SDK1: variants seen among roughly 807,000 people sequenced by gnomAD.
SDK1 encodes the protein sidekick cell adhesion molecule 1.
SDK1 carries 157 observed loss-of-function variants against 245.5 expected under a neutral mutation model. That is an observed-to-expected ratio of 0.64 (90% CI 0.56 to 0.73). The LOEUF (loss-of-function observed/expected upper bound fraction) is 0.73, where lower values mean the gene tolerates loss of function less well. SDK1 is among the 30% of genes least tolerant of loss of function. The pLI is 0.00. For synonymous variants in SDK1, 1,647 were observed against 1,278.5 expected (o/e 1.29, Z -6.15); for missense variants, 3,583 against 3,002.3 (o/e 1.19, Z -4.52).
intron 2 of SDK1, among the ~76,000 whole-genome samples, chr7:3,637,138 C>T (rs915680052): frequency 1.3e-5 from 2 of 152,008 alleles, no homozygotes; most frequent in Non-Finnish European, 2.9e-5. Context: ...TGCTCTGTCA[C>T]CCAGGCTGGA....
chr7:3,453,749 T>G (rs1008753422), intron 1 of SDK1, among the ~76,000 whole-genome samples: 1 of 152,280 alleles, frequency 6.6e-6, no homozygotes, highest in East Asian at 1.9e-4. Context: ...GGCTAATTTT[T>G]TTTTTACTTT....
Position 4,145,931 on chromosome 7 carries a change from G to C in SDK1, c.4423+15G>C, listed in dbSNP as rs768361973. The C allele has an allele frequency of 1.1e-4, 167 of 1,585,680 alleles. 1 individual carries two copies. The highest frequency in any genetic ancestry group is 3.4e-4 in the Middle Eastern group (2 of 5,866). ...CGAGAAGAGAGGTAAGACCTTGGGG[G>C]ACCCGGGGGTACTGCAGATGTTGTG... On this transcript the variant is annotated intron_variant, in intron 29 of 44. Coordinates refer to ENST00000404826, the MANE Select transcript of SDK1 (RefSeq NM_152744.4).
intron 5 of SDK1, among the ~76,000 whole-genome samples, chr7:3,921,436 C>A (rs1355657133): frequency 2.6e-5 from 4 of 152,194 alleles, no homozygotes; most frequent in African/African-American, 9.6e-5. Context: ...CTTGTAGCTA[C>A]ATATATGCAA....
chr7:3,343,623 C>G (rs1440749051), intron 1 of SDK1, among the ~76,000 whole-genome samples: 1 of 152,106 alleles, frequency 6.6e-6, no homozygotes, highest in Non-Finnish European at 1.5e-5. Context: ...ACTAGCTGTT[C>G]AAAGTGTCAT....
At chr7:3,470,576 T>A (rs1247468579) in intron 1 of SDK1, among the ~76,000 whole-genome samples, 2 of 151,978 alleles carry the variant, frequency 1.3e-5, no homozygotes, top group African/African-American at 4.8e-5. Context: ...GGGAGAGAGG[T>A]TAAACTAGGT....
chr7:3,318,654 C>T (rs1339692050), intron 1 of SDK1, among the ~76,000 whole-genome samples: 2 of 152,156 alleles, frequency 1.3e-5, no homozygotes, highest in Non-Finnish European at 2.9e-5. Context: ...TACTTACCTC[C>T]TGAACTTATC....
intron 4 of SDK1, among the ~76,000 whole-genome samples, chr7:3,712,374 G>C (rs1785074230): frequency 6.6e-6 from 1 of 152,176 alleles, no homozygotes; most frequent in Non-Finnish European, 1.5e-5. Flanking sequence ...AGATGGGACT[G>C]TCTAGTTGTA....
intron 1 of SDK1, among the ~76,000 whole-genome samples, chr7:3,577,009 C>T (rs554974052): frequency 6.6e-5 from 10 of 152,066 alleles, no homozygotes; most frequent in African/African-American, 1.7e-4. Context: ...CATTTTTCAT[C>T]GATGCCCTTG....
chr7:4,084,675 C>CGTTATGTTAT (rs60696477), intron 22 of SDK1, among the ~76,000 whole-genome samples: 7,909 of 119,648 alleles, frequency 0.066, 248 homozygotes, highest in Non-Finnish European at 0.071. Context: ...TGTTATGTTA[C>CGTTATGTTAT]GTTATGTTAT....
chr7:3,337,175 T>A (rs1780223382), intron 1 of SDK1, among the ~76,000 whole-genome samples: 1 of 152,160 alleles, frequency 6.6e-6, no homozygotes, highest in Non-Finnish European at 1.5e-5. Flanking sequence ...CAAATTCTTT[T>A]GAAACAAAAC....
At chr7:4,016,534 C>T (rs992135837) in intron 16 of SDK1, among the ~76,000 whole-genome samples, 1 of 152,214 alleles carries the variant, frequency 6.6e-6, no homozygotes, top group African/African-American at 2.4e-5. Context: ...GAGTTGTGTA[C>T]ATTATCTTTT....
In SDK1 at chr7:4,110,664, T is replaced by C. The variant is rs767710776; in HGVS notation, c.3326T>C (p.Val1109Ala). The change falls in exon 23 of 45, where the codon GTG (valine) becomes GCG (alanine). Residue 1109 changes from valine to alanine, a missense_variant and splice_region_variant. Physicochemically the swap from Val to Ala is moderately conservative, Grantham distance 64. Coordinates refer to ENST00000404826, the MANE Select transcript of SDK1 (RefSeq NM_152744.4). Reference sequence around the variant, plus strand: ...ATCTCAGTGTCTCCCTCTGCACAGGTGGGAGCTATCGGCGACGAGGAGGAG... The same window carrying C: ...ATCTCAGTGTCTCCCTCTGCACAGGCGGGAGCTATCGGCGACGAGGAGGAG... ...SISRWIVEGQ[V>A]GAIGDEEEWV... 6.2e-7 allele frequency: 1 copy of C among 1,607,522 alleles called. No individual in the cohort carries two copies.
chr7:3,380,309 T>C (rs1315055031), intron 1 of SDK1, among the ~76,000 whole-genome samples: 1 of 152,230 alleles, frequency 6.6e-6, no homozygotes, highest in East Asian at 1.9e-4. Context: ...AACATTATCC[T>C]TAGGAATTCT....
intron 24 of SDK1, 38 bp from the exon 25 acceptor site, chr7:4,113,999 G>A: frequency 6.3e-7 from 1 of 1,575,242 alleles, no homozygotes; most frequent in Non-Finnish European, 8.7e-7. Context: ...TGGCAGTTCT[G>A]AGATGTCAGC....
At chr7:3,434,723 A>C (rs918794709) in intron 1 of SDK1, among the ~76,000 whole-genome samples, 1 of 152,048 alleles carries the variant, frequency 6.6e-6, no homozygotes, top group Non-Finnish European at 1.5e-5. Context: ...GTGAGGTGTG[A>C]GTTGTTGCCA....
At chr7:3,582,666 C>G (rs534466589) in intron 1 of SDK1, among the ~76,000 whole-genome samples, 5 of 129,752 alleles carry the variant, frequency 3.9e-5, no homozygotes, top group African/African-American at 1.3e-4. Flanking sequence ...ACATGTAGCC[C>G]TGAACCTAAA....
At chr7:3,901,320 G>A (rs947456120) in intron 5 of SDK1, among the ~76,000 whole-genome samples, 7 of 152,008 alleles carry the variant, frequency 4.6e-5, no homozygotes, top group African/African-American at 1.7e-4. Flanking sequence ...CCGAGTAGCT[G>A]GGACTACAGG....
At chr7:3,869,080 T>C (rs1780893609) in intron 5 of SDK1, among the ~76,000 whole-genome samples, 1 of 152,066 alleles carries the variant, frequency 6.6e-6, no homozygotes, top group Non-Finnish European at 1.5e-5. Flanking sequence ...GCGTTGTCAA[T>C]TGAAGATTTT....
At chr7:4,040,810 G>C (rs1291203223) in intron 17 of SDK1, among the ~76,000 whole-genome samples, 1 of 152,140 alleles carries the variant, frequency 6.6e-6, no homozygotes, top group Non-Finnish European at 1.5e-5. Context: ...CATTTTTACT[G>C]TACACGTGGT....
Sources: allele counts gnomAD v4.1 joint callset (sites outside exome capture counted in the v4.1 genomes callset), GRCh38; gene constraint gnomAD v4.1.1; transcripts MANE v1.5; gene names NCBI Gene and HGNC (gene_info 2026-07-23, HGNC 2026-07-21).